The following PCLO variants were observed in gnomAD, a reference collection of about 807,000 sequenced individuals.
The protein encoded by PCLO is protein piccolo.
A neutral mutation model predicts 427.5 loss-of-function variants in PCLO; 82 were observed. That is an observed-to-expected ratio of 0.19 (90% CI 0.16 to 0.23). PCLO has a LOEUF of 0.23. Among genes scored for constraint, PCLO ranks in the 10% least tolerant of loss-of-function variants. The pLI is 1.00. For missense variants in PCLO, 6,239 were observed against 6,115.9 expected (o/e 1.02, Z -0.67); for synonymous variants, 2,357 against 2,155.4 (o/e 1.09, Z -2.59).
At position 82,953,583 on chromosome 7, in the gene PCLO, T is replaced by A. The variant is rs1247507470; in HGVS notation, c.7370A>T (p.Asp2457Val). The change falls in exon 5 of 25, where the codon GAT becomes GTT. Residue 2457 changes from aspartate (D) to valine (V), a missense_variant. Coordinates refer to ENST00000333891, the MANE Select transcript of PCLO (RefSeq NM_033026.6). ...TGTGGTCTCTAGAGTAGTAACAGCA[T>A]CAAACAGAGGTGTAGCTGTAGTCAC... ...SPVTTATPLFDAVTTLETTAV... is the reference protein window; with the variant it reads ...SPVTTATPLFVAVTTLETTAV... 5.0e-6 allele frequency: 8 copies of A among 1,611,978 alleles called. No homozygotes were observed. Among genetic ancestry groups the A allele is most frequent in the East Asian group, 2.2e-5 (1 of 44,796 alleles).
intron 3 of PCLO, among the ~76,000 whole-genome samples, chr7:83,069,799 C>CCCCCCCCACACACACA (rs1554390635): frequency 1.3e-5 from 1 of 75,516 alleles, no homozygotes; most frequent in Admixed American, 1.8e-4. Context: ...ACCCCCCCGC[C>CCCCCCCCACACACACA]CACACACACA....
rs1251852154 is a variant in PCLO, at chr7:82,953,160, C to T, written c.7793G>A (p.Ser2598Asn). 1 of 1,613,968 alleles carries T rather than the reference C, an allele frequency of 6.2e-7. No homozygotes were observed. Among genetic ancestry groups the T allele is most frequent in the Middle Eastern group, 1.6e-4 (1 of 6,062 alleles). The change falls in exon 5 of 25, where the codon AGT becomes AAT. Residue 2598 changes from serine to asparagine, a missense_variant. Physicochemically the swap from Ser to Asn is conservative, Grantham distance 46. This residue lies in a region of PCLO where 4,677 missense variants were observed against 4,468.4 expected (regional missense o/e 1.05). Transcript: ENST00000333891. ...EPGTPTDSSASQAITSWPLGS... is the reference protein window; with the variant it reads ...EPGTPTDSSANQAITSWPLGS... ...CAAGGGCCAACTGGTAATTGCTTGA[C>T]TAGCAGAAGAATCTGTTGGAGTCCC...
At chr7:83,028,053 G>A (rs1262938059) in intron 3 of PCLO, among the ~76,000 whole-genome samples, 2 of 148,882 alleles carry the variant, frequency 1.3e-5, no homozygotes, top group Admixed American at 1.3e-4. Flanking sequence ...GCACAAGACA[G>A]GGATGCCCTC....
intron 3 of PCLO, among the ~76,000 whole-genome samples, chr7:83,040,822 A>T (rs1788955917): frequency 6.6e-6 from 1 of 152,170 alleles, no homozygotes; most frequent in Non-Finnish European, 1.5e-5. Context: ...TGAGTGATGG[A>T]CAAGTTCTGG....
At chr7:82,960,795 T>C (rs1442645841) in intron 4 of PCLO, among the ~76,000 whole-genome samples, 1 of 152,176 alleles carries the variant, frequency 6.6e-6, no homozygotes, top group Admixed American at 6.5e-5. Context: ...GCTAGATGAA[T>C]GATTAAATAA....
At chr7:82,760,419 T>C (rs1025514622) in intron 24 of PCLO, among the ~76,000 whole-genome samples, 7 of 151,810 alleles carry the variant, frequency 4.6e-5, no homozygotes, top group Non-Finnish European at 1.0e-4. Flanking sequence ...CTATGTAAAA[T>C]AAACTCCACA....
intron 20 of PCLO, among the ~76,000 whole-genome samples, chr7:82,810,574 C>CA (rs1265232531): frequency 1.3e-5 from 2 of 151,672 alleles, no homozygotes; most frequent in Non-Finnish European, 3.0e-5. Flanking sequence ...TTTTGTAACT[C>CA]AATTAATTGA....
At position 82,952,863 on chromosome 7, in the gene PCLO, G is replaced by A. The variant is rs1173350801; in HGVS notation, c.8090C>T (p.Thr2697Ile). 1 of 1,613,866 alleles carries A rather than the reference G, an allele frequency of 6.2e-7. No individual in the cohort carries two copies. The highest frequency in any genetic ancestry group is 8.5e-7 in the Non-Finnish European group (1 of 1,179,840). Residue 2697 changes from threonine to isoleucine, a missense_variant, in exon 5 of 25, where the codon ACA becomes ATA. Thr to Ile is a moderately conservative substitution (Grantham distance 89). Around this residue, in one of 5 missense-constraint regions of PCLO, gnomAD observed 4,677 missense variants for 4,468.4 expected, o/e 1.05. Transcript: ENST00000333891. ...TAGAGCAAGAGGCTCTGGAGGAATT[G>A]TTATGGAAATGCTGCTGAGACCAAC... ...PSVGLSSISI[T>I]IPPEPLALDN...
intron 22 of PCLO, among the ~76,000 whole-genome samples, chr7:82,762,510 C>CT (rs1471936212): frequency 6.6e-6 from 1 of 151,806 alleles, no homozygotes; most frequent in Non-Finnish European, 1.5e-5. Flanking sequence ...CTCAGGAATT[C>CT]TTTACACTCA....
intron 10 of PCLO, among the ~76,000 whole-genome samples, chr7:82,876,810 A>G (rs927674605): frequency 6.6e-6 from 1 of 152,162 alleles, no homozygotes; most frequent in Admixed American, 6.5e-5. Context: ...TGTAAGAGTA[A>G]ATACAGCTGG....
intron 3 of PCLO, among the ~76,000 whole-genome samples, chr7:82,973,605 A>G (rs117536731): frequency 6.6e-6 from 1 of 152,152 alleles, no homozygotes; most frequent in Non-Finnish European, 1.5e-5. Context: ...ATGCCTACCC[A>G]TCTCTTACCT....
At chr7:82,880,637 T>C (rs1793484033) in intron 9 of PCLO, among the ~76,000 whole-genome samples, 1 of 152,188 alleles carries the variant, frequency 6.6e-6, no homozygotes, top group African/African-American at 2.4e-5. Context: ...ACGATGCTAC[T>C]GGCATTTAGT....
At chr7:83,096,376 A>G (rs892356886) in intron 3 of PCLO, among the ~76,000 whole-genome samples, 3 of 152,122 alleles carry the variant, frequency 2.0e-5, no homozygotes, top group African/African-American at 7.2e-5. Flanking sequence ...TTTGGATTTA[A>G]GCCCAGACTC....
intron 3 of PCLO, among the ~76,000 whole-genome samples, chr7:83,087,887 A>T (rs962080580): frequency 2.6e-5 from 4 of 152,182 alleles, no homozygotes; most frequent in African/African-American, 9.7e-5. Flanking sequence ...ACAACTTCAT[A>T]AAAAGATTTT....
intron 3 of PCLO, among the ~76,000 whole-genome samples, chr7:83,025,243 A>G (rs1788460982): frequency 6.6e-6 from 1 of 152,036 alleles, no homozygotes; most frequent in South Asian, 2.1e-4. Context: ...AATAACCAAT[A>G]CAGAGAAGTG....
chr7:82,794,450 ATTTTTTTTCTTTTTTTTTTTTT>A (rs1472182077), intron 22 of PCLO, among the ~76,000 whole-genome samples: 1 of 62,030 alleles, frequency 1.6e-5, no homozygotes, highest in East Asian at 5.5e-4. Flanking sequence ...TAGTTCATAA[ATTTTTTTTCTTTTTTTTTTTTT>A]TTTTTTTTTT....
At chr7:83,017,629 G>A (rs1467721409) in intron 3 of PCLO, among the ~76,000 whole-genome samples, 1 of 151,578 alleles carries the variant, frequency 6.6e-6, no homozygotes, top group East Asian at 1.9e-4. Context: ...ATGATATATT[G>A]AAATGTATAT....
rs556266739 is a variant in PCLO at position 83,039,656 on chromosome 7, C to T, written c.3301-73169G>A. On this transcript the variant is annotated intron_variant, in intron 3 of 24. Coordinates refer to ENST00000333891, the MANE Select transcript of PCLO (RefSeq NM_033026.6). Reference sequence around the variant, plus strand: ...TGAGTCTTCCAATTTTGTTCTTTGTCAAGCTCATTTTGGATAATCTGGGCC... The same window carrying T: ...TGAGTCTTCCAATTTTGTTCTTTGTTAAGCTCATTTTGGATAATCTGGGCC... 2.2e-4 allele frequency among the ~76,000 whole-genome samples: 33 copies of T among 152,148 alleles called. No homozygotes were observed. The South Asian group carries it at 5.8e-3, about 27-fold the overall frequency.
intron 22 of PCLO, among the ~76,000 whole-genome samples, chr7:82,784,925 T>C (rs559679057): frequency 1.3e-5 from 2 of 152,346 alleles, no homozygotes; most frequent in African/African-American, 4.8e-5. Context: ...TATGTATCTG[T>C]TCCTCTAGTT....
Sources: gnomAD v4.1 joint callset for allele counts (sites outside exome capture counted in the v4.1 genomes callset) on GRCh38, gnomAD v4.1.1 for gene constraint, gnomAD v4.1.1 regional missense constraint, MANE v1.5 for transcripts, NCBI Gene and HGNC (gene_info 2026-07-23, HGNC 2026-07-21) for gene names.